TLE5: variants seen among roughly 807,000 people sequenced by gnomAD.
TLE5 encodes the protein TLE family member 5, transcriptional modulator.
In TLE5, 7 loss-of-function variants were observed where a neutral mutation model predicts 25.8. The ratio of observed to expected loss-of-function variants is 0.27; its 90% CI spans 0.15 to 0.51. The LOEUF (loss-of-function observed/expected upper bound fraction) is 0.51. TLE5 is among the 20% of genes least tolerant of loss of function. The pLI is 0.97. For missense variants in TLE5, 149 were observed against 250.7 expected (o/e 0.59, Z 2.74); for synonymous variants, 132 against 110.5 (o/e 1.20, Z -1.22).
At chr19:3,059,171 C>G (rs768894436) in intron 2 of TLE5, among the ~76,000 whole-genome samples, 3 of 152,054 alleles carry the variant, frequency 2.0e-5, no homozygotes, top group Non-Finnish European at 2.9e-5. Context: ...CAATTTTTCT[C>G]TAGTTTTCTT....
rs2090210086 is a variant in TLE5 at position 3,055,586 on chromosome 19, C to T, written c.297+78G>A. 2.9e-6 allele frequency: 4 copies of T among 1,391,502 alleles called. No individual in the cohort carries two copies. The South Asian group carries it at 5.7e-5, about 20-fold the overall frequency. 86.2% of individuals were successfully genotyped at this position (1,391,502 alleles called of 1,614,324 possible). A position where few individuals can be genotyped will look rare whatever the true frequency, so the allele number is the denominator to read the frequency against. On this transcript the variant is annotated intron_variant, in intron 5 of 6. Coordinates refer to ENST00000327141, the MANE Select transcript of TLE5 (RefSeq NM_001130.6). ...TGCCCTGGGGCGCCCAGCACACCAC[C>T]CAAGATGGCTGCAGTGGACAGGGGC...
upstream of TLE5, chr19:3,062,851 C>A (rs1439285693): frequency 6.5e-7 from 1 of 1,530,016 alleles, no homozygotes. Context: ...GTGGTTCTTG[C>A]TGAGCCTTAG....
chr19:3,061,422 C>A, intron 1 of TLE5, 165 bp from the exon 2 acceptor site: 1 of 451,700 alleles, frequency 2.2e-6, no homozygotes, highest in South Asian at 2.8e-5. Context: ...CTTCCTGCCC[C>A]CCGCCTCTCC....
chr19:3,061,260 G>A lies in TLE5; in HGVS notation c.28-3C>T, dbSNP rs113110826. The A allele has an allele frequency of 8.1e-6, 13 of 1,611,568 alleles. No individual in the cohort carries two copies. Among genetic ancestry groups the A allele is most frequent in the Non-Finnish European group, 1.1e-5 (13 of 1,178,146 alleles). Reference sequence around the variant, plus strand: ...TGCTGGGGTAGGTGCGAGGAGCCCTGTAGGGATGGGGCGGCCCGGGTCAGG... The same window carrying A: ...TGCTGGGGTAGGTGCGAGGAGCCCTATAGGGATGGGGCGGCCCGGGTCAGG... On this transcript the variant is annotated splice_polypyrimidine_tract_variant and splice_region_variant and intron_variant, in intron 1 of 6. Transcript: ENST00000327141.
chr19:3,054,086 T>TCGGGGGGGGCGCCC, intron 6 of TLE5, 34 bp downstream of exon 6: 4 of 1,512,798 alleles, frequency 2.6e-6, no homozygotes, highest in Non-Finnish European at 3.6e-6. Flanking sequence ...GGCCCACCTG[T>TCGGGGGGGGCGCCC]CCCCCGCCCA....
chr19:3,056,046 CTGGG>C, intron 4 of TLE5: 1 of 517,672 alleles, frequency 1.9e-6, no homozygotes, highest in Middle Eastern at 5.0e-4. Flanking sequence ...GTAGGGAGGG[CTGGG>C]GGCCGTAGGC....
upstream of TLE5, chr19:3,062,963 T>A: frequency 1.7e-6 from 1 of 601,380 alleles, no homozygotes; most frequent in Non-Finnish European, 2.8e-6. Context: ...GCCCCGCTGC[T>A]CCAGGGCCCT....
chr19:3,056,163 G>T, intron 4 of TLE5, 149 bp downstream of exon 4: 1 of 556,838 alleles, frequency 1.8e-6, no homozygotes, highest in Non-Finnish European at 3.2e-6. Context: ...GCTTGGGGAG[G>T]GCTTAGGAGG....
At chr19:3,062,957 C>T (rs1417686603), upstream of TLE5, 2 of 756,652 alleles carry the variant, frequency 2.6e-6, no homozygotes, top group East Asian at 3.3e-5. Context: ...TGCCAGGCCC[C>T]GCTGCTCCAG....
rs768452306 is a variant in TLE5, at chr19:3,053,894, G to A, written c.519C>T (p.Ala173=). 3 of 1,613,116 alleles carry A rather than the reference G, an allele frequency of 1.9e-6. No individual in the cohort carries two copies. Among genetic ancestry groups the A allele is most frequent in the East Asian group, 4.5e-5 (2 of 44,880 alleles). The part of the protein sequence containing the change: ...LLSLSALGSQ[A]HLSKEDKNGH... ...CGTTCTTGTCTTCCTTGGAGAGGTG[G>A]GCCTGGGAACCCAGCGCGGACAGCG... Residue 173 remains alanine, a synonymous_variant, in exon 7 of 7, where the codon GCC becomes GCT. Transcript: ENST00000327141.
In TLE5 at chr19:3,057,669, G is replaced by T. The variant is rs2090231547; in HGVS notation, c.189+10C>A. On this transcript the variant is annotated intron_variant, in intron 3 of 6. Coordinates refer to ENST00000327141, the MANE Select transcript of TLE5 (RefSeq NM_001130.6). ...CCCCAACACTGGACCTGGGGGCGGA[G>T]TGACGTTACCATCACATAGTGACGC... is the stretch of plus-strand genomic sequence containing the variant. 1 of 1,613,108 alleles carries T rather than the reference G, an allele frequency of 6.2e-7. No homozygotes were observed.
At chr19:3,059,183 T>C (rs1183893510) in intron 2 of TLE5, among the ~76,000 whole-genome samples, 2 of 152,104 alleles carry the variant, frequency 1.3e-5, no homozygotes, top group Non-Finnish European at 2.9e-5. Context: ...AGTTTTCTTT[T>C]AAAATGTGCA....
At position 3,062,349 on chromosome 19, in the gene TLE5, C is replaced by G; in HGVS notation, c.-149G>C. On this transcript the variant is annotated 5_prime_UTR_variant, in exon 1 of 7. Transcript: ENST00000327141. ...CTCCCGCGCCCGGCCTCGCCCGCTT[C>G]CTGCGCCCCCTCCCCGCGCGCCCGG... is the stretch of plus-strand genomic sequence containing the variant. 1.0e-6 allele frequency: 1 copy of G among 976,848 alleles called. No individual in the cohort carries two copies. The highest frequency in any genetic ancestry group is 1.2e-6 in the Non-Finnish European group (1 of 825,736). The allele number at this position is 976,848 out of a possible 1,614,324, so 60.5% of individuals were successfully genotyped here.
chr19:3,061,326 G>A (rs2090265378), intron 1 of TLE5, 69 bp from the exon 2 acceptor site: 5 of 1,261,788 alleles, frequency 4.0e-6, no homozygotes, highest in Non-Finnish European at 5.7e-6. Flanking sequence ...CCGGCTAGGA[G>A]GGAGCGGCCG....
At position 3,058,273 on chromosome 19, in the gene TLE5, T is replaced by G. The variant is rs80013290; in HGVS notation, c.126-531A>C. Among the ~76,000 whole-genome samples the G allele has an allele frequency of 7.6e-3, 1,150 of 152,258 alleles. 13 individuals are homozygous for G. The highest frequency in any genetic ancestry group is 0.026 in the African/African-American group (1,099 of 41,530). ...GCTAGCTCTGAGAGTCTCACGAGCCTTCACCTCTCACGGTCCCGACGAGGC... is the reference window on the plus strand; with the variant it reads ...GCTAGCTCTGAGAGTCTCACGAGCCGTCACCTCTCACGGTCCCGACGAGGC... On this transcript the variant is annotated intron_variant, in intron 2 of 6. Transcript: ENST00000327141.
intron 5 of TLE5, chr19:3,054,632 T>A (rs1395221912): frequency 5.8e-6 from 1 of 171,288 alleles, no homozygotes; most frequent in East Asian, 1.6e-4. Flanking sequence ...TCTGGCCAAA[T>A]TGAGCCCTTC....
At chr19:3,055,534 C>T in intron 5 of TLE5, 130 bp downstream of exon 5, 1 of 721,344 alleles carries the variant, frequency 1.4e-6, no homozygotes, top group Non-Finnish European at 2.1e-6. Flanking sequence ...TGTTCAGAGC[C>T]AGGGAGGTCC....
In TLE5 at chr19:3,053,986, T is replaced by A. The variant is rs1265389515; in HGVS notation, c.427A>T (p.Thr143Ser). Residue 143 changes from threonine to serine, a missense_variant, in exon 7 of 7, where the codon ACC becomes TCC. Transcript: ENST00000327141. ...SQLQALALPL[T>S]PLPVGLQPPS... ...GGCTGCAGCCCCACGGGTAGTGGGGTCAAGGGCAGGGCCAGGGCCTGCAGC... is the reference window on the plus strand; with the variant it reads ...GGCTGCAGCCCCACGGGTAGTGGGGACAAGGGCAGGGCCAGGGCCTGCAGC... The A allele has an allele frequency of 1.2e-6, 2 of 1,608,802 alleles. No homozygotes were observed. The highest frequency in any genetic ancestry group is 2.7e-5 in the African/African-American group (2 of 74,724).
intron 5 of TLE5, 110 bp from the exon 6 acceptor site, chr19:3,054,304 T>C (rs2090200018): frequency 2.0e-6 from 2 of 1,012,992 alleles, no homozygotes; most frequent in Non-Finnish European, 3.0e-6. Flanking sequence ...TGGGCCATCA[T>C]GTCTGCTCCT....
Sources: allele counts gnomAD v4.1 joint callset (sites outside exome capture counted in the v4.1 genomes callset), GRCh38; gene constraint gnomAD v4.1.1; transcripts MANE v1.5; gene names NCBI Gene and HGNC (gene_info 2026-07-23, HGNC 2026-07-21).